Variants in SLC24A2 observed in about 807,000 individuals in gnomAD.
SLC24A2 encodes the protein sodium/potassium/calcium exchanger 2.
A neutral mutation model predicts 62.0 loss-of-function variants in SLC24A2; 36 were observed. That is an observed-to-expected ratio of 0.58 (90% CI 0.44 to 0.77). SLC24A2 has a LOEUF of 0.77. Among genes scored for constraint, SLC24A2 ranks in the 30% least tolerant of loss-of-function variants. The pLI is 0.00. For missense variants in SLC24A2, 846 were observed against 817.9 expected (o/e 1.03, Z -0.42); for synonymous variants, 358 against 294.0 (o/e 1.22, Z -2.23).
the SLC24A2 span, among the ~76,000 whole-genome samples, chr9:19,823,297 T>TTGTGTGTGTG: frequency 6.7e-6 from 1 of 150,142 alleles, no homozygotes; most frequent in Non-Finnish European, 1.5e-5. Flanking sequence ...TGTATTAACA[T>TTGTGTGTGTG]TGTGTGTGTG....
At chr9:20,102,679 T>G in the SLC24A2 span, among the ~76,000 whole-genome samples, 465 of 151,498 alleles carry the variant, frequency 3.1e-3, 1 homozygote, top group African/African-American at 0.011. Flanking sequence ...AAAAAGACAT[T>G]TCCAAAAAAA....
At chr9:19,567,403 G>C (rs554550377) in intron 7 of SLC24A2, among the ~76,000 whole-genome samples, 1 of 151,404 alleles carries the variant, frequency 6.6e-6, no homozygotes, top group South Asian at 2.1e-4. Flanking sequence ...AAAATTAGCC[G>C]GGTGTGGTGG....
chr9:19,849,224 A>C, the SLC24A2 span, among the ~76,000 whole-genome samples: 2 of 152,170 alleles, frequency 1.3e-5, no homozygotes, highest in African/African-American at 4.8e-5. Context: ...AGAAAAAAAC[A>C]AGCACATATA....
At chr9:19,729,286 C>T (rs1000738968) in intron 2 of SLC24A2, among the ~76,000 whole-genome samples, 6 of 152,102 alleles carry the variant, frequency 3.9e-5, no homozygotes, top group Non-Finnish European at 7.4e-5. Flanking sequence ...TTAACCAGTA[C>T]GGCCGCTATG....
rs536564740 is a variant in SLC24A2, at chr9:19,642,389, G to C, written c.931-20090C>G. Among the ~76,000 whole-genome samples, 7 of 152,334 alleles carry C rather than the reference G, an allele frequency of 4.6e-5. No homozygotes were observed. The East Asian group carries it at 1.3e-3, about 29-fold the overall frequency. The stretch of plus-strand genomic sequence containing the variant: ...AGTCTGGCAGGGGCCAGAGCAGACA[G>C]GGTTGGTGACAAAGCTCAGCTGGAG... On this transcript the variant is annotated intron_variant, in intron 2 of 10. Coordinates refer to ENST00000341998, the MANE Select transcript of SLC24A2 (RefSeq NM_020344.4).
At chr9:19,984,433 C>T in the SLC24A2 span, among the ~76,000 whole-genome samples, 5 of 152,272 alleles carry the variant, frequency 3.3e-5, no homozygotes, top group East Asian at 5.8e-4. Context: ...AGGCCAGGCA[C>T]GGTGGCTCAC....
chr9:20,228,581 G>C, the SLC24A2 span, among the ~76,000 whole-genome samples: 20 of 152,230 alleles, frequency 1.3e-4, no homozygotes, highest in Admixed American at 1.1e-3. Flanking sequence ...GGGTGCATTG[G>C]AGTGAGTTTC....
the SLC24A2 span, among the ~76,000 whole-genome samples, chr9:20,103,191 T>C: frequency 6.6e-6 from 1 of 152,154 alleles, no homozygotes; most frequent in Non-Finnish European, 1.5e-5. Context: ...ACAAAGCAAC[T>C]GGGAAGCTCA....
the SLC24A2 span, among the ~76,000 whole-genome samples, chr9:20,226,931 C>G: frequency 6.6e-6 from 1 of 152,122 alleles, no homozygotes; most frequent in Non-Finnish European, 1.5e-5. Flanking sequence ...AGTATTTGTT[C>G]TGATTTGTGC....
chr9:19,655,047 A>T (rs1190429378), intron 2 of SLC24A2, among the ~76,000 whole-genome samples: 1 of 152,240 alleles, frequency 6.6e-6, no homozygotes, highest in African/African-American at 2.4e-5. Flanking sequence ...GTAGACAGAT[A>T]ATGTAGACAA....
rs943673401 is a variant in SLC24A2 at position 19,508,020 on chromosome 9, A to G, written c.*8133T>C. 6.6e-6 allele frequency: 1 copy of G among 152,236 alleles called. No individual in the cohort carries two copies. Among genetic ancestry groups the G allele is most frequent in the Admixed American group, 6.5e-5 (1 of 15,278 alleles). 9.4% of individuals were successfully genotyped at this position (152,236 alleles called of 1,614,324 possible). On this transcript the variant is annotated 3_prime_UTR_variant, in exon 11 of 11. Coordinates refer to ENST00000341998, the MANE Select transcript of SLC24A2 (RefSeq NM_020344.4). ...TTTGTTTTAACCGTATCTGAAGAAC[A>G]AAAGTATAATTTCTCTTGCTTTTAG...
chr9:20,263,604 C>T, the SLC24A2 span, among the ~76,000 whole-genome samples: 574 of 152,270 alleles, frequency 3.8e-3, 3 homozygotes, highest in African/African-American at 0.013. Context: ...AGCAAAATTC[C>T]ATGGGCACCT....
chr9:20,219,669 A>G, the SLC24A2 span, among the ~76,000 whole-genome samples: 6 of 152,148 alleles, frequency 3.9e-5, no homozygotes, highest in Admixed American at 6.5e-5. Context: ...ATTAACTCAG[A>G]ACACTTGTAT....
At chr9:20,162,396 T>C in the SLC24A2 span, among the ~76,000 whole-genome samples, 1 of 151,532 alleles carries the variant, frequency 6.6e-6, no homozygotes, top group Non-Finnish European at 1.5e-5. Context: ...TAAAATACTC[T>C]TGAAACACAT....
chr9:19,985,181 G>GT, the SLC24A2 span, among the ~76,000 whole-genome samples: 1 of 152,126 alleles, frequency 6.6e-6, no homozygotes, highest in Non-Finnish European at 1.5e-5. Context: ...CAGTTTGGCA[G>GT]TTTTTTAAAA....
chr9:20,247,260 C>A, the SLC24A2 span, among the ~76,000 whole-genome samples: 12 of 152,272 alleles, frequency 7.9e-5, no homozygotes, highest in Middle Eastern at 3.4e-3. Context: ...TCTTTTCAAG[C>A]AAATCCCATG....
the SLC24A2 span, among the ~76,000 whole-genome samples, chr9:19,965,438 A>G: frequency 3.9e-4 from 60 of 152,302 alleles, no homozygotes; most frequent in African/African-American, 1.4e-3. Context: ...TAGTACAGAA[A>G]TGTTTTAATA....
the SLC24A2 span, among the ~76,000 whole-genome samples, chr9:19,872,434 T>C: frequency 6.6e-5 from 10 of 152,164 alleles, no homozygotes; most frequent in Non-Finnish European, 1.5e-4. Flanking sequence ...GTGATTGAGG[T>C]TGTTGTACCA....
chr9:19,619,295 AC>A, intron 4 of SLC24A2, among the ~76,000 whole-genome samples: 1 of 152,298 alleles, frequency 6.6e-6, no homozygotes, highest in Non-Finnish European at 1.5e-5. Flanking sequence ...AGGGAGGGAA[AC>A]CTTTTTGTCC....
Sources: gnomAD v4.1 joint callset for allele counts (sites outside exome capture counted in the v4.1 genomes callset) on GRCh38, gnomAD v4.1.1 for gene constraint, MANE v1.5 for transcripts, NCBI Gene and HGNC (gene_info 2026-07-23, HGNC 2026-07-21) for gene names.